KHDRBS2: variants seen among roughly 807,000 people sequenced by gnomAD.
KHDRBS2 encodes the protein KH RNA binding domain containing, signal transduction associated 2.
A neutral mutation model predicts 44.3 loss-of-function variants in KHDRBS2; 26 were observed. That is an observed-to-expected ratio of 0.59 (90% CI 0.43 to 0.81). The LOEUF is 0.81. Among genes scored for constraint, KHDRBS2 ranks in the 40% least tolerant of loss-of-function variants. The pLI is 0.00. For synonymous variants in KHDRBS2, 194 were observed against 151.1 expected (o/e 1.28, Z -2.08); for missense variants, 476 against 433.1 (o/e 1.10, Z -0.88).
intron 1 of KHDRBS2, among the ~76,000 whole-genome samples, chr6:62,239,472 C>G (rs1351487954): frequency 6.6e-6 from 1 of 152,040 alleles, no homozygotes; most frequent in Admixed American, 6.6e-5. Context: ...ACTCGGGAGG[C>G]TGAGGCAGAA....
intron 8 of KHDRBS2, among the ~76,000 whole-genome samples, chr6:61,690,711 A>T (rs1293615925): frequency 1.3e-5 from 2 of 150,532 alleles, no homozygotes; most frequent in Non-Finnish European, 3.0e-5. Context: ...CAAAATACCC[A>T]GTGTTATAAA....
chr6:61,685,012 T>G (rs1766668668), intron 8 of KHDRBS2, among the ~76,000 whole-genome samples: 1 of 151,640 alleles, frequency 6.6e-6, no homozygotes, highest in Non-Finnish European at 1.5e-5. Flanking sequence ...ATAAGGACAG[T>G]TTAAGGGGCC....
intron 6 of KHDRBS2, among the ~76,000 whole-genome samples, chr6:61,847,406 T>C (rs1794573621): frequency 6.6e-6 from 1 of 152,146 alleles, no homozygotes; most frequent in African/African-American, 2.4e-5. Flanking sequence ...TGGTGGGCAT[T>C]TCACTCTAAG....
At chr6:61,918,988 A>T (rs529562236) in intron 4 of KHDRBS2, among the ~76,000 whole-genome samples, 1 of 152,036 alleles carries the variant, frequency 6.6e-6, no homozygotes, top group African/African-American at 2.4e-5. Flanking sequence ...TTCTCTCTAC[A>T]ACCTGTTTTT....
intron 8 of KHDRBS2, among the ~76,000 whole-genome samples, chr6:61,681,502 T>C (rs550864152): frequency 6.6e-6 from 1 of 152,000 alleles, no homozygotes; most frequent in Non-Finnish European, 1.5e-5. Context: ...ACCTACGGTT[T>C]GGTATTTTTC....
intron 6 of KHDRBS2, among the ~76,000 whole-genome samples, chr6:61,735,097 T>C (rs7767339): frequency 0.82 from 124,276 of 152,032 alleles, 51,209 homozygotes; most frequent in African/African-American, 0.91. Flanking sequence ...TTCTTTCTTG[T>C]TTAGCTTTAC....
rs1332152337 is a variant in KHDRBS2 at position 62,116,176 on chromosome 6, C to A, written c.219+61009G>T. ...CAAGCTAACTAATAGATCCATTACC[C>A]CAAATATGTATTATTTTTGTGGTAA... On this transcript the variant is annotated intron_variant, in intron 2 of 8. Transcript: ENST00000281156. Among the ~76,000 whole-genome samples, 4 of 152,140 alleles carry A rather than the reference C, an allele frequency of 2.6e-5. No individual in the cohort carries two copies. In the East Asian group the frequency reaches 7.7e-4, roughly 29 times the overall value.
intron 2 of KHDRBS2, among the ~76,000 whole-genome samples, chr6:62,060,648 T>C (rs1240592417): frequency 6.6e-6 from 1 of 151,238 alleles, no homozygotes; most frequent in East Asian, 2.0e-4. Flanking sequence ...TATATATATA[T>C]GAACTAAAAC....
chr6:61,848,711 C>A (rs1231823794), intron 6 of KHDRBS2, among the ~76,000 whole-genome samples: 1 of 148,012 alleles, frequency 6.8e-6, no homozygotes, highest in Non-Finnish European at 1.5e-5. Context: ...AAATCACTGG[C>A]CTACCTCGAA....
At chr6:62,191,284 C>A (rs1373985110) in intron 1 of KHDRBS2, among the ~76,000 whole-genome samples, 3 of 152,090 alleles carry the variant, frequency 2.0e-5, no homozygotes, top group African/African-American at 7.2e-5. Context: ...GAAACAGGCA[C>A]GTTGTAGTCT....
chr6:61,861,972 G>A (rs1018719302), intron 6 of KHDRBS2, among the ~76,000 whole-genome samples: 6 of 151,854 alleles, frequency 4.0e-5, no homozygotes, highest in African/African-American at 1.5e-4. Context: ...TCTTTTTGTG[G>A]CACCTGTGAA....
chr6:61,942,703 A>G (rs541353623), intron 4 of KHDRBS2, among the ~76,000 whole-genome samples: 1 of 152,282 alleles, frequency 6.6e-6, no homozygotes, highest in East Asian at 1.9e-4. Flanking sequence ...CGAGAAATTT[A>G]GAAATCCATA....
intron 2 of KHDRBS2, among the ~76,000 whole-genome samples, chr6:62,110,248 A>G (rs1804688275): frequency 6.6e-6 from 1 of 152,090 alleles, no homozygotes; most frequent in South Asian, 2.1e-4. Flanking sequence ...TGATACAACT[A>G]CTTTGGAAAA....
At chr6:62,061,740 G>A (rs1484448032) in intron 2 of KHDRBS2, among the ~76,000 whole-genome samples, 1 of 150,008 alleles carries the variant, frequency 6.7e-6, no homozygotes, top group African/African-American at 2.5e-5. Context: ...GATTGGGGAA[G>A]TTCTCCTGGA....
chr6:61,644,451 C>T, the KHDRBS2 span, among the ~76,000 whole-genome samples: 1 of 152,080 alleles, frequency 6.6e-6, no homozygotes, highest in East Asian at 1.9e-4. Context: ...CAAGAATTGA[C>T]AAATGGAATC....
intron 1 of KHDRBS2, among the ~76,000 whole-genome samples, chr6:62,206,400 T>C (rs1442544597): frequency 6.6e-6 from 1 of 152,070 alleles, no homozygotes; most frequent in Non-Finnish European, 1.5e-5. Context: ...ATCCATTGAT[T>C]GTAAATAAAT....
chr6:61,783,976 T>C (rs1317896148), intron 6 of KHDRBS2, among the ~76,000 whole-genome samples: 1 of 152,018 alleles, frequency 6.6e-6, no homozygotes, highest in Non-Finnish European at 1.5e-5. Flanking sequence ...AGCATTCATT[T>C]CTTATTAAAG....
chr6:61,821,599 A>G (rs1789921528), intron 6 of KHDRBS2, among the ~76,000 whole-genome samples: 1 of 152,008 alleles, frequency 6.6e-6, no homozygotes, highest in South Asian at 2.1e-4. Flanking sequence ...GACTCTTTCT[A>G]TCTTTCCTTG....
intron 6 of KHDRBS2, among the ~76,000 whole-genome samples, chr6:61,883,283 G>A (rs141947131): frequency 3.3e-5 from 5 of 151,952 alleles, no homozygotes; most frequent in Non-Finnish European, 5.9e-5. Context: ...TGTCCTCCCC[G>A]TGTCTACAGC....
Sources: gnomAD v4.1 joint callset for allele counts (sites outside exome capture counted in the v4.1 genomes callset) on GRCh38, gnomAD v4.1.1 for gene constraint, MANE v1.5 for transcripts, NCBI Gene and HGNC (gene_info 2026-07-23, HGNC 2026-07-21) for gene names.